The following FER variants were observed in gnomAD, a reference collection of about 807,000 sequenced individuals.
The protein encoded by FER is tyrosine-protein kinase Fer.
Under a neutral mutation model 111.0 loss-of-function variants are expected in FER, and 63 were observed. The ratio of observed to expected loss-of-function variants is 0.57; its 90% CI spans 0.46 to 0.70. FER has a LOEUF of 0.70. FER is among the 30% of genes least tolerant of loss of function. FER has a pLI of 0.00. For synonymous variants in FER, 327 were observed against 313.9 expected (o/e 1.04, Z -0.44); for missense variants, 914 against 954.0 (o/e 0.96, Z 0.55).
intron 17 of FER, among the ~76,000 whole-genome samples, chr5:109,143,718 G>GT (rs112735353): frequency 0.027 from 4,046 of 149,898 alleles, 203 homozygotes; most frequent in African/African-American, 0.093. Flanking sequence ...GTTTTGTTTT[G>GT]TTTTTTTTTG....
chr5:109,078,522 CT>C lies in FER; in HGVS notation c.1925-21868del, dbSNP rs756243231. 2.6e-5 allele frequency among the ~76,000 whole-genome samples: 4 copies of C among 152,060 alleles called. No homozygotes were observed. In the East Asian group the frequency reaches 7.7e-4, roughly 29 times the overall value. On this transcript the variant is annotated intron_variant, in intron 16 of 19. Transcript: ENST00000281092. ...GAATTGAGCCAGCTGTACTAATGTT[CT>C]TTTTTCTCTTGAGTTTACCTCAAGA...
At position 108,871,682 on chromosome 5, in the gene FER, G is replaced by A. The variant is rs115254139; in HGVS notation, c.803+180G>A. On this transcript the variant is annotated intron_variant, in intron 7 of 19. Transcript: ENST00000281092. ...TTGTCAATGATGATAACTATATAAT[G>A]TATAGTTTTTGATATGTAAAAATTT... 2.7e-3 allele frequency among the ~76,000 whole-genome samples: 410 copies of A among 151,896 alleles called. 1 individual carries two copies. Among genetic ancestry groups the A allele is most frequent in the African/African-American group, 9.5e-3 (393 of 41,484 alleles).
Position 108,832,756 on chromosome 5 carries a change from T to TC in FER, c.208-14_208-13insC. The TC allele has an allele frequency of 6.9e-7, 1 of 1,450,276 alleles. No individual in the cohort carries two copies. The highest frequency in any genetic ancestry group is 2.5e-5 in the East Asian group (1 of 40,484). The allele number at this position is 1,450,276 out of a possible 1,614,324, so 89.8% of individuals were successfully genotyped here. A position where few individuals can be genotyped will look rare whatever the true frequency, so the allele number is the denominator to read the frequency against. On this transcript the variant is annotated splice_polypyrimidine_tract_variant and intron_variant, in intron 3 of 19. Coordinates refer to ENST00000281092, the MANE Select transcript of FER (RefSeq NM_005246.4). ...TTAATGCAAATGTTTGTTTCTTTTT[T>TC]TTTTTTTTTTAAGTCTTGGCTACTT...
chr5:109,047,253 T>G, intron 16 of FER, 55 bp downstream of exon 16: 1 of 991,508 alleles, frequency 1.0e-6, no homozygotes, highest in Non-Finnish European at 1.6e-6. Flanking sequence ...TGTTTTATTG[T>G]TTTTATATGT....
chr5:108,835,556 A>G (rs550448825), intron 4 of FER, 152 bp from the exon 5 acceptor site: 2 of 439,566 alleles, frequency 4.5e-6, no homozygotes, highest in South Asian at 7.3e-5. Flanking sequence ...TTTAAAACAT[A>G]CTTGTAGTTT....
intron 17 of FER, among the ~76,000 whole-genome samples, chr5:109,104,128 A>G (rs931601478): frequency 2.6e-5 from 4 of 152,180 alleles, no homozygotes; most frequent in Non-Finnish European, 5.9e-5. Context: ...CTCTATACTG[A>G]TTCTCTTCAT....
In FER at chr5:108,871,467, T is replaced by C; in HGVS notation, c.768T>C (p.Pro256=). The part of the protein sequence containing the change: ...EIQMSVEQID[P]STEYNNFIDV... ...AAATGTCGGTTGAACAGATAGATCCTAGTACAGAATACAATAATTTCATAG... is the reference window on the plus strand; with the variant it reads ...AAATGTCGGTTGAACAGATAGATCCCAGTACAGAATACAATAATTTCATAG... Residue 256 remains proline (P), a synonymous_variant, in exon 7 of 20, where the codon CCT becomes CCC. Transcript: ENST00000281092. 3 of 1,609,148 alleles carry C rather than the reference T, an allele frequency of 1.9e-6. No homozygotes were observed. The highest frequency in any genetic ancestry group is 2.5e-6 in the Non-Finnish European group (3 of 1,176,822).
chr5:108,991,475 A>G (rs1359544844), intron 13 of FER, among the ~76,000 whole-genome samples: 2 of 152,112 alleles, frequency 1.3e-5, no homozygotes, highest in Non-Finnish European at 2.9e-5. Context: ...TAATTTAATG[A>G]AAAGATGTAT....
At chr5:108,959,182 G>C (rs983935146) in intron 12 of FER, 43 bp from the exon 13 acceptor site, 2 of 1,578,742 alleles carry the variant, frequency 1.3e-6, no homozygotes, top group Non-Finnish European at 1.7e-6. Flanking sequence ...ATTTTCTAAA[G>C]CAATGTCTTC....
chr5:108,853,331 C>T (rs1002884374), intron 5 of FER, among the ~76,000 whole-genome samples: 2 of 152,114 alleles, frequency 1.3e-5, no homozygotes, highest in African/African-American at 4.8e-5. Context: ...GATAACAATA[C>T]ATACAAAAAT....
rs372943073 is a variant in FER at position 108,981,512 on chromosome 5, A to G, written c.1656+22165A>G. Among the ~76,000 whole-genome samples the G allele has an allele frequency of 6.6e-5, 10 of 152,270 alleles. No homozygotes were observed. The South Asian group carries it at 2.1e-3, about 32-fold the overall frequency. ...ACATTCAGTTCTGAGTGGGTAAACA[A>G]TAAAAGTGTAAAATAAAGGAAGGTG... On this transcript the variant is annotated intron_variant, in intron 13 of 19. Coordinates refer to ENST00000281092, the MANE Select transcript of FER (RefSeq NM_005246.4).
intron 3 of FER, among the ~76,000 whole-genome samples, chr5:108,805,586 T>C (rs1386610471): frequency 2.0e-5 from 3 of 152,088 alleles, no homozygotes; most frequent in Admixed American, 1.3e-4. Flanking sequence ...ATACTGTTAG[T>C]GATATGAACG....
chr5:108,820,358 T>C, intron 3 of FER: 1 of 985,410 alleles, frequency 1.0e-6, no homozygotes, highest in Non-Finnish European at 1.2e-6. Flanking sequence ...AGGAGAAAAC[T>C]GCTGAGGTTA....
chr5:109,125,363 T>A (rs1241564574), intron 17 of FER, among the ~76,000 whole-genome samples: 1 of 152,172 alleles, frequency 6.6e-6, no homozygotes, highest in Non-Finnish European at 1.5e-5. Flanking sequence ...AATTGTGATT[T>A]AAATATTTTA....
rs141514563 is a variant in FER, at chr5:108,912,392, G to T, written c.1236+14544G>T. On this transcript the variant is annotated intron_variant, in intron 10 of 19. Coordinates refer to ENST00000281092, the MANE Select transcript of FER (RefSeq NM_005246.4). ...TTGTTTTTTCTTGAGACAGAGTCTC[G>T]CTCTTGTCACCCAGGCTGGAGTGCA... 6.1e-3 allele frequency among the ~76,000 whole-genome samples: 925 copies of T among 152,106 alleles called. 6 individuals are homozygous for T. Among genetic ancestry groups the T allele is most frequent in the African/African-American group, 0.021 (853 of 41,498 alleles).
intron 7 of FER, among the ~76,000 whole-genome samples, chr5:108,871,707 TGTTA>T (rs969590032): frequency 2.6e-5 from 4 of 152,062 alleles, no homozygotes; most frequent in Admixed American, 6.6e-5. Flanking sequence ...TGTAAAAATT[TGTTA>T]GTTGTTAATC....
rs766702172 is a variant in FER, at chr5:108,927,252, C to CTTTTTTTTTTT, written c.1237-18869_1237-18859dup. Among the ~76,000 whole-genome samples the CTTTTTTTTTTT allele has an allele frequency of 2.9e-3, 276 of 95,210 alleles. 49 individuals are homozygous for CTTTTTTTTTTT. Among genetic ancestry groups the CTTTTTTTTTTT allele is most frequent in the African/African-American group, 0.01 (174 of 17,248 alleles). The allele number at this position is 95,210 out of a possible 152,430, so 62.5% of individuals were successfully genotyped here. A position where few individuals can be genotyped will look rare whatever the true frequency, so the allele number is the denominator to read the frequency against. ...TGTAATTCAGCATTGAGAAGTGGCT[C>CTTTTTTTTTTT]TTTTTTTTTTTTTTTTTTTGAGACG... is the stretch of plus-strand genomic sequence containing the variant. On this transcript the variant is annotated intron_variant, in intron 10 of 19. Coordinates refer to ENST00000281092, the MANE Select transcript of FER (RefSeq NM_005246.4).
chr5:108,951,362 C>T (rs1261401810), intron 11 of FER, among the ~76,000 whole-genome samples: 2 of 152,148 alleles, frequency 1.3e-5, no homozygotes, highest in Non-Finnish European at 2.9e-5. Context: ...CCCACCTTGG[C>T]CTCCCAAAGT....
chr5:108,787,002 C>T (rs1291693699), intron 2 of FER, among the ~76,000 whole-genome samples: 1 of 152,096 alleles, frequency 6.6e-6, no homozygotes, highest in Non-Finnish European at 1.5e-5. Flanking sequence ...AGGGCTGCAC[C>T]CATCGGGGCT....
Sources: gnomAD v4.1 joint callset for allele counts (sites outside exome capture counted in the v4.1 genomes callset) on GRCh38, gnomAD v4.1.1 for gene constraint, MANE v1.5 for transcripts, NCBI Gene and HGNC (gene_info 2026-07-23, HGNC 2026-07-21) for gene names.